PDCD11: variants seen among roughly 807,000 people sequenced by gnomAD.
PDCD11 encodes the protein protein RRP5 homolog.
PDCD11 carries 97 observed loss-of-function variants against 198.9 expected under a neutral mutation model. The ratio of observed to expected loss-of-function variants is 0.49; its 90% CI spans 0.41 to 0.58. The LOEUF (loss-of-function observed/expected upper bound fraction) is 0.58. Ranked by LOEUF, PDCD11 falls within the 20% of genes least tolerant of loss-of-function variation. The probability of loss-of-function intolerance (pLI) is 0.00; values close to 1 mark genes in which losing one functional copy is unlikely to be tolerated. For missense variants in PDCD11, 2,102 were observed against 2,312.7 expected (o/e 0.91, Z 1.87); for synonymous variants, 893 against 918.0 (o/e 0.97, Z 0.49).
intron 3 of PDCD11, 65 bp from the exon 4 acceptor site, chr10:103,403,053 A>G: frequency 6.9e-7 from 1 of 1,459,192 alleles, no homozygotes; most frequent in Non-Finnish European, 9.6e-7. Context: ...TAGAAGCCAG[A>G]CCTTCCAACC....
chr10:103,444,348 G>C, intron 34 of PDCD11, 169 bp from the exon 35 acceptor site: 2 of 666,852 alleles, frequency 3.0e-6, no homozygotes, highest in Non-Finnish European at 2.6e-6. Flanking sequence ...GTGCCCATCT[G>C]TGTATTTGGC....
chr10:103,434,778 C>T lies in PDCD11; in HGVS notation c.3668-20C>T. On this transcript the variant is annotated intron_variant, in intron 24 of 35. Coordinates refer to ENST00000369797, the MANE Select transcript of PDCD11 (RefSeq NM_014976.2). ...TTAGCTCATTTCCTCTTCCCTGAATCAGGTTGGTTCTTCCACCAGGTCCTC... is the reference window on the plus strand; with the variant it reads ...TTAGCTCATTTCCTCTTCCCTGAATTAGGTTGGTTCTTCCACCAGGTCCTC... 6.3e-7 allele frequency: 1 copy of T among 1,592,130 alleles called. No homozygotes were observed. The highest frequency in any genetic ancestry group is 2.3e-5 in the East Asian group (1 of 44,172).
rs1313071034 is a variant in PDCD11 at position 103,433,865 on chromosome 10, C to T, written c.3475-83C>T. ...TGGAAAAGTGTACTGGGGCCCTTTC[C>T]ACCTTGTGGTTTTAGGAAAGTTTTA... On this transcript the variant is annotated intron_variant, in intron 22 of 35. Transcript: ENST00000369797. The T allele has an allele frequency of 5.1e-5, 54 of 1,065,404 alleles. No individual in the cohort carries two copies. In the East Asian group the frequency reaches 1.2e-3, roughly 23 times the overall value. The allele number at this position is 1,065,404 out of a possible 1,614,324, so 66.0% of individuals were successfully genotyped here.
Position 103,433,986 on chromosome 10 carries a change from C to G in PDCD11, c.3513C>G (p.Ala1171=). Residue 1171 remains alanine, a synonymous_variant, in exon 23 of 36, where the codon GCC becomes GCG. Transcript: ENST00000369797. ...VVKKWLEVEI[A]PDIRGRIPLL... ...AGAAATGGCTTGAGGTGGAGATTGC[C>G]CCAGACATCCGGGGGAGAATTCCCT... 6.2e-7 allele frequency: 1 copy of G among 1,614,022 alleles called. No homozygotes were observed. The highest frequency in any genetic ancestry group is 1.1e-5 in the South Asian group (1 of 91,084).
At position 103,400,659 on chromosome 10, in the gene PDCD11, G is replaced by A. The variant is rs528973623; in HGVS notation, c.234+131G>A. On this transcript the variant is annotated intron_variant, in intron 3 of 35. Coordinates refer to ENST00000369797, the MANE Select transcript of PDCD11 (RefSeq NM_014976.2). ...CCTTAATATATTATATTTCATGCGT[G>A]TGTGTGTAGAGATGCTTGGAATTTA... The A allele has an allele frequency of 1.1e-4, 99 of 899,526 alleles. No homozygotes were observed. In the African/African-American group the frequency reaches 1.6e-3, roughly 14 times the overall value. 55.7% of individuals were successfully genotyped at this position (899,526 alleles called of 1,614,324 possible).
Position 103,440,778 on chromosome 10 carries a change from G to C in PDCD11, c.4485G>C (p.Glu1495Asp). 6.2e-7 allele frequency: 1 copy of C among 1,614,138 alleles called. No homozygotes were observed. Among genetic ancestry groups the C allele is most frequent in the South Asian group, 1.1e-5 (1 of 91,080 alleles). Residue 1495 changes from glutamate to aspartate, a missense_variant, in exon 30 of 36, where the codon GAG becomes GAC. By Grantham distance (45) the Glu-to-Asp change is conservative (BLOSUM62 2). Coordinates refer to ENST00000369797, the MANE Select transcript of PDCD11 (RefSeq NM_014976.2). ...KKPKKAGLSE[E>D]DDSLVDVYYR... ...CAAAGAAAGCCGGCCTGTCAGAGGA[G>C]GACGACAGCCTTGTGGACGTGTACT... is the stretch of plus-strand genomic sequence containing the variant.
At position 103,444,612 on chromosome 10, in the gene PDCD11, C is replaced by G; in HGVS notation, c.5374C>G (p.Pro1792Ala). 3 of 1,614,176 alleles carry G rather than the reference C, an allele frequency of 1.9e-6. No homozygotes were observed. Among genetic ancestry groups the G allele is most frequent in the Non-Finnish European group, 2.5e-6 (3 of 1,180,032 alleles). Residue 1792 changes from proline (P) to alanine (A), a missense_variant, in exon 35 of 36, where the codon CCA (proline) becomes GCA (alanine). Physicochemically the swap from Pro to Ala is conservative, Grantham distance 27 (BLOSUM62 -1). Coordinates refer to ENST00000369797, the MANE Select transcript of PDCD11 (RefSeq NM_014976.2). ...AIFENTLSTY[P>A]KRTDVWSVYI... ...TTTTGAGAACACGCTGAGCACCTAC[C>G]CAAAGCGCACAGATGTCTGGTCGGT...
At chr10:103,445,054 C>T (rs1219285676) in intron 35 of PDCD11, among the ~76,000 whole-genome samples, 1 of 152,224 alleles carries the variant, frequency 6.6e-6, no homozygotes, top group Non-Finnish European at 1.5e-5. Flanking sequence ...ACAGGTGCCT[C>T]ACCCAAGCCC....
intron 8 of PDCD11, among the ~76,000 whole-genome samples, chr10:103,410,234 CAAAAA>C (rs57446089): frequency 2.1e-5 from 2 of 93,288 alleles, no homozygotes. Flanking sequence ...GACTCCATCT[CAAAAA>C]AAAAAAAAAA....
rs751705107 is a variant in PDCD11, at chr10:103,398,579, G to A, written c.102+51G>A. ...ACTCACTGGAAACTTTTACTGTAGT[G>A]TCTTGTGAAAAATGAGCCTTATTTG... On this transcript the variant is annotated intron_variant, in intron 2 of 35. Transcript: ENST00000369797. 1.0e-5 allele frequency: 12 copies of A among 1,189,662 alleles called. No individual in the cohort carries two copies. In the South Asian group the frequency reaches 1.1e-4, roughly 11 times the overall value. The allele number at this position is 1,189,662 out of a possible 1,614,324, so 73.7% of individuals were successfully genotyped here.
chr10:103,429,253 GTC>G (rs1429369803), intron 21 of PDCD11, among the ~76,000 whole-genome samples: 1 of 152,154 alleles, frequency 6.6e-6, no homozygotes, highest in Non-Finnish European at 1.5e-5. Flanking sequence ...CTTAAACGGT[GTC>G]TCTGGCATTC....
chr10:103,439,832 T>G lies in PDCD11; in HGVS notation c.4112T>G (p.Leu1371Arg). Residue 1371 changes from leucine to arginine, a missense_variant, in exon 28 of 36, where the codon CTC (leucine) becomes CGC (arginine). By Grantham distance (102) the Leu-to-Arg change is moderately radical. Transcript: ENST00000369797. The part of the protein sequence containing the change: ...PSKKALYNKH[L>R]PEGKLLTARV... The stretch of plus-strand genomic sequence containing the variant: ...AAGAAAGCCCTTTATAACAAACACC[T>G]CCCTGAAGGGAAGCTGCTCACAGCC... 5 of 1,613,990 alleles carry G rather than the reference T, an allele frequency of 3.1e-6. No homozygotes were observed. The highest frequency in any genetic ancestry group is 4.2e-6 in the Non-Finnish European group (5 of 1,179,956).
At chr10:103,419,459 TCTC>T in intron 15 of PDCD11, 76 bp from the exon 16 acceptor site, 1 of 1,496,392 alleles carries the variant, frequency 6.7e-7, no homozygotes, top group Non-Finnish European at 9.1e-7. Flanking sequence ...GTTCTGTCCT[TCTC>T]TGTGGAGAAA....
At chr10:103,402,442 A>T (rs2030157491) in intron 3 of PDCD11, among the ~76,000 whole-genome samples, 1 of 151,756 alleles carries the variant, frequency 6.6e-6, no homozygotes, top group Admixed American at 6.6e-5. Flanking sequence ...ATTTATTTTT[A>T]TTTTTTTATT....
chr10:103,422,878 G>A, intron 17 of PDCD11, 110 bp from the exon 18 acceptor site: 1 of 1,035,932 alleles, frequency 9.7e-7, no homozygotes. Context: ...TACCTTGTCA[G>A]TGGTTCCAGT....
rs2031642827 is a variant in PDCD11, at chr10:103,425,336, T to G, written c.3116T>G (p.Val1039Gly). 6.2e-7 allele frequency: 1 copy of G among 1,614,116 alleles called. No individual in the cohort carries two copies. Among genetic ancestry groups the G allele is most frequent in the East Asian group, 2.2e-5 (1 of 44,862 alleles). Residue 1039 changes from valine (V) to glycine (G), a missense_variant, in exon 20 of 36, where the codon GTC becomes GGC. Physicochemically the swap from Val to Gly is moderately radical, Grantham distance 109. Transcript: ENST00000369797. ...KKHTLSIGDM[V>G]TGTVKSIKPT... ...CACACCCTCTCCATCGGGGACATGG[T>G]CACAGGGACTGTCAAGTCCATTAAG...
At position 103,414,344 on chromosome 10, in the gene PDCD11, C is replaced by G; in HGVS notation, c.1371+14C>G. 6.2e-7 allele frequency: 1 copy of G among 1,600,626 alleles called. No homozygotes were observed. On this transcript the variant is annotated intron_variant, in intron 11 of 35. Transcript: ENST00000369797. ...GCAGTGGTAAAGGTAAGACCTCAAGCATATAATTAGGTACTGCCTCACCAT... is the reference window on the plus strand; with the variant it reads ...GCAGTGGTAAAGGTAAGACCTCAAGGATATAATTAGGTACTGCCTCACCAT...
rs138821930 is a variant in PDCD11, at chr10:103,425,111, G to A, written c.2891G>A (p.Arg964His). 1.2e-4 allele frequency: 192 copies of A among 1,614,082 alleles called. No homozygotes were observed. Among genetic ancestry groups the A allele is most frequent in the Non-Finnish European group, 1.6e-4 (184 of 1,180,042 alleles). ...ACCTCTCACCTCAACGACACCTTCC[G>A]CTTTGACTCAGAGAAATTGCAGGTG... Reference protein sequence around the residue: ...SLTSHLNDTFRFDSEKLQVGQ... With the variant: ...SLTSHLNDTFHFDSEKLQVGQ... Residue 964 changes from arginine (R) to histidine (H), a missense_variant, in exon 20 of 36, where the codon CGC (arginine) becomes CAC (histidine). By Grantham distance (29) the Arg-to-His change is conservative. Transcript: ENST00000369797.
chr10:103,410,634 T>C (rs1439868484), intron 8 of PDCD11, among the ~76,000 whole-genome samples: 1 of 148,928 alleles, frequency 6.7e-6, no homozygotes, highest in Non-Finnish European at 1.5e-5. Context: ...TTTAAGACAG[T>C]GTCTTACTCT....
Sources: allele counts gnomAD v4.1 joint callset (sites outside exome capture counted in the v4.1 genomes callset), GRCh38; gene constraint gnomAD v4.1.1; transcripts MANE v1.5; gene names NCBI Gene and HGNC (gene_info 2026-07-23, HGNC 2026-07-21).